Variants in LRCH2 observed in about 807,000 individuals in gnomAD.
LRCH2 encodes the protein leucine rich repeats and calponin homology domain containing 2.
LRCH2 carries 38 observed loss-of-function variants against 68.9 expected under a neutral mutation model. The observed-to-expected ratio is 0.55, with a 90% CI of 0.43 to 0.72. The LOEUF (loss-of-function observed/expected upper bound fraction) is 0.72. Among genes scored for constraint, LRCH2 ranks in the 30% least tolerant of loss-of-function variants. The probability of loss-of-function intolerance (pLI) is 0.00; values close to 1 mark genes in which losing one functional copy is unlikely to be tolerated. For missense variants in LRCH2, 528 were observed against 572.9 expected (o/e 0.92, Z 0.80); for synonymous variants, 191 against 208.1 (o/e 0.92, Z 0.71).
At chrX:115,208,371 G>A (rs1403293278) in intron 1 of LRCH2, among the ~76,000 whole-genome samples, 1 of 111,339 alleles carries the variant, frequency 9.0e-6, no homozygotes, top group Non-Finnish European at 1.9e-5. Flanking sequence ...ATCCAGTATT[G>A]GCAGTAAATC....
At chrX:115,193,910 C>T (rs1353444148) in intron 1 of LRCH2, among the ~76,000 whole-genome samples, 2 of 111,495 alleles carry the variant, frequency 1.8e-5, no homozygotes, top group African/African-American at 6.5e-5. Context: ...CACACTAGCT[C>T]ATACTTATTT....
intron 1 of LRCH2, among the ~76,000 whole-genome samples, chrX:115,212,575 C>T (rs890812184): frequency 4.5e-5 from 5 of 110,610 alleles, no homozygotes; most frequent in Admixed American, 9.7e-5. Context: ...TCACAGCTCA[C>T]GGCAGCCTTG....
chrX:115,118,561 G>A (rs2072105311), intron 20 of LRCH2, among the ~76,000 whole-genome samples: 1 of 109,694 alleles, frequency 9.1e-6, no homozygotes, highest in African/African-American at 3.3e-5. Flanking sequence ...AGGACCAGAT[G>A]GATTCACAGC....
rs5903441 is a variant in LRCH2, at chrX:115,206,878, C to CA, written c.350-18509dup. On this transcript the variant is annotated intron_variant, in intron 1 of 20. Transcript: ENST00000317135. ...CATTGGGTAAATACAATAACAGTGC[C>CA]AAAAAAAAAAAAAAACTCAACCTTG... Among the ~76,000 whole-genome samples, 333 of 86,403 alleles carry CA rather than the reference C, an allele frequency of 3.9e-3. 1 individual carries two copies. Among genetic ancestry groups the CA allele is most frequent in the African/African-American group, 0.012 (250 of 20,994 alleles). 75.0% of individuals were successfully genotyped at this position (86,403 alleles called of 115,157 possible).
chrX:115,159,471 G>A (rs1277157482), intron 11 of LRCH2, among the ~76,000 whole-genome samples: 1 of 110,555 alleles, frequency 9.0e-6, no homozygotes, highest in Non-Finnish European at 1.9e-5. Flanking sequence ...AAAAATTCAG[G>A]CCCGGCGCGG....
chrX:115,187,957 A>G (rs1183618254), intron 2 of LRCH2, among the ~76,000 whole-genome samples: 2 of 112,991 alleles, frequency 1.8e-5, no homozygotes, highest in African/African-American at 6.4e-5. Context: ...GGGGCCTGTT[A>G]GAAATGCAGG....
chrX:115,156,885 C>T (rs2072479276), intron 11 of LRCH2, among the ~76,000 whole-genome samples: 1 of 111,261 alleles, frequency 9.0e-6, no homozygotes, highest in Non-Finnish European at 1.9e-5. Context: ...TAAACCCTTT[C>T]TCAAAGTTTG....
At chrX:115,177,041 C>T (rs781787422) in intron 5 of LRCH2, among the ~76,000 whole-genome samples, 2 of 98,510 alleles carry the variant, frequency 2.0e-5, no homozygotes, top group South Asian at 1.0e-3. Context: ...GCCACCGCAC[C>T]CAGCCTTTTT....
chrX:115,201,670 T>A (rs782117051), intron 1 of LRCH2, among the ~76,000 whole-genome samples: 17 of 111,406 alleles, frequency 1.5e-4, no homozygotes, highest in African/African-American at 5.5e-4. Context: ...GCCAGAGCAA[T>A]CGGGCAAGAG....
chrX:115,137,418 T>C (rs997010104), intron 14 of LRCH2, among the ~76,000 whole-genome samples: 1 of 108,958 alleles, frequency 9.2e-6, no homozygotes, highest in African/African-American at 3.3e-5. Context: ...TCTAGAGTCA[T>C]TAACACTCCA....
chrX:115,120,073 G>A (rs1556525328), intron 20 of LRCH2, among the ~76,000 whole-genome samples: 1 of 104,732 alleles, frequency 9.5e-6, no homozygotes, highest in African/African-American at 3.5e-5. Context: ...AACCCTAGAA[G>A]AAAACCTAGG....
chrX:115,127,159 G>A (rs111505008), intron 15 of LRCH2, among the ~76,000 whole-genome samples: 155 of 110,856 alleles, frequency 1.4e-3, no homozygotes, highest in African/African-American at 4.5e-3. Flanking sequence ...CAAGTGGTTC[G>A]AAATATAGTA....
At chrX:115,167,217 A>C (rs1427070056) in intron 6 of LRCH2, among the ~76,000 whole-genome samples, 2 of 103,422 alleles carry the variant, frequency 1.9e-5, no homozygotes, top group Admixed American at 1.1e-4. Flanking sequence ...AAAAAAAAAA[A>C]AACAATAACA....
rs1162979839 is a variant in LRCH2, at chrX:115,233,903, C to T, written c.139G>A (p.Val47Met). The T allele has an allele frequency of 2.6e-6, 3 of 1,161,946 alleles. No homozygotes were observed. Among genetic ancestry groups the T allele is most frequent in the Non-Finnish European group, 2.3e-6 (2 of 871,505 alleles). ...GGGGGGGGTLVVPIPVPTLFG... is the reference protein window; with the variant it reads ...GGGGGGGGTLMVPIPVPTLFG... ...AGAGTCGGTACCGGGATGGGGACCACCAGGGTCCCGCCGCCGCCGCCGCCT... is the reference window on the plus strand; with the variant it reads ...AGAGTCGGTACCGGGATGGGGACCATCAGGGTCCCGCCGCCGCCGCCGCCT... The change falls in exon 1 of 21, where the codon GTG becomes ATG. Residue 47 changes from valine (V) to methionine (M), a missense_variant. Val to Met is a conservative substitution (Grantham distance 21). Transcript: ENST00000317135.
chrX:115,192,504 G>T (rs375818310), intron 1 of LRCH2: 7 of 1,168,967 alleles, frequency 6.0e-6, no homozygotes, highest in Non-Finnish European at 8.0e-6. Flanking sequence ...TAGGCAGACC[G>T]GATCGTGGGC....
In LRCH2 at chrX:115,190,489, C is replaced by T. The variant is rs982344962; in HGVS notation, c.350-2119G>A. The T allele has an allele frequency of 8.6e-7, 1 of 1,166,866 alleles. No homozygotes were observed. Among genetic ancestry groups the T allele is most frequent in the East Asian group, 3.3e-5 (1 of 30,713 alleles). On this transcript the variant is annotated intron_variant, in intron 1 of 20. Transcript: ENST00000317135. ...TGAAGGCCGCTCGTCCGAGGCCTTG[C>T]CAGTCGTCTTGCCAGACGCCTACAG...
chrX:115,222,331 C>G (rs1219851580), intron 1 of LRCH2, among the ~76,000 whole-genome samples: 1 of 112,018 alleles, frequency 8.9e-6, no homozygotes, highest in African/African-American at 3.2e-5. Context: ...TATATTCCCC[C>G]TAAATTCAAG....
chrX:115,118,948 A>G (rs1373480070), intron 20 of LRCH2, among the ~76,000 whole-genome samples: 1 of 111,740 alleles, frequency 8.9e-6, no homozygotes, highest in Non-Finnish European at 1.9e-5. Context: ...TGCAGAAAAG[A>G]ACTTTGACAA....
At chrX:115,205,000 T>C (rs1445887473) in intron 1 of LRCH2, among the ~76,000 whole-genome samples, 2 of 111,554 alleles carry the variant, frequency 1.8e-5, no homozygotes, top group Non-Finnish European at 3.8e-5. Flanking sequence ...TGAGACTGGG[T>C]AATTTATAAA....
Sources: allele counts gnomAD v4.1 joint callset (sites outside exome capture counted in the v4.1 genomes callset), GRCh38; gene constraint gnomAD v4.1.1; transcripts MANE v1.5; gene names NCBI Gene and HGNC (gene_info 2026-07-23, HGNC 2026-07-21).